PTPRD: variants seen among roughly 807,000 people sequenced by gnomAD.
The protein encoded by PTPRD is protein tyrosine phosphatase receptor type D.
PTPRD carries 34 observed loss-of-function variants against 214.5 expected under a neutral mutation model. The observed-to-expected ratio is 0.16, with a 90% confidence interval of 0.12 to 0.21. The LOEUF is 0.21. Among genes scored for constraint, PTPRD ranks in the 10% least tolerant of loss-of-function variants. PTPRD has a pLI of 1.00. For synonymous variants in PTPRD, 1,128 were observed against 845.7 expected, an observed-to-expected ratio of 1.33 and a Z score of -5.79; for missense variants, 2,545 against 2,398.7, an observed-to-expected ratio of 1.06 and a Z score of -1.27.
At chr9:10,566,313 A>T (rs1000189847) in intron 2 of PTPRD, among the ~76,000 whole-genome samples, 1 of 151,948 alleles carries the variant, frequency 6.6e-6, no homozygotes, top group Non-Finnish European at 1.5e-5. Context: ...TAGGGTGTGT[A>T]TATTGTCAGC....
At chr9:8,338,892 G>A (rs1191465335) in intron 43 of PTPRD, 30 bp downstream of exon 43, 10 of 1,535,690 alleles carry the variant, frequency 6.5e-6, no homozygotes, top group Non-Finnish European at 8.9e-6. Flanking sequence ...TTCAGCTAAT[G>A]GTTAAGAGTT....
At chr9:10,393,603 C>T (rs964127968) in intron 2 of PTPRD, among the ~76,000 whole-genome samples, 5 of 148,274 alleles carry the variant, frequency 3.4e-5, no homozygotes, top group African/African-American at 1.2e-4. Context: ...CTAGTCTGGG[C>T]AATATAGCAA....
intron 14 of PTPRD, among the ~76,000 whole-genome samples, chr9:8,631,894 G>C (rs915082462): frequency 2.0e-5 from 3 of 151,734 alleles, no homozygotes; most frequent in African/African-American, 7.3e-5. Flanking sequence ...GTGTTGGTCA[G>C]GGAATGGGGA....
intron 2 of PTPRD, among the ~76,000 whole-genome samples, chr9:10,594,407 A>G (rs1299973271): frequency 6.6e-6 from 1 of 152,010 alleles, no homozygotes; most frequent in Non-Finnish European, 1.5e-5. Flanking sequence ...ATTATGATCA[A>G]TGATTAATAC....
Position 8,331,694 on chromosome 9 carries a change from A to C in PTPRD, c.5422T>G (p.Trp1808Gly). 1 of 1,613,340 alleles carries C rather than the reference A, an allele frequency of 6.2e-7. No homozygotes were observed. Among genetic ancestry groups the C allele is most frequent in the Non-Finnish European group, 8.5e-7 (1 of 1,179,738 alleles). Residue 1808 changes from tryptophan to glycine, a missense_variant, in exon 44 of 46, where the codon TGG becomes GGG. Physicochemically the swap from Trp to Gly is radical, Grantham distance 184. Transcript: ENST00000381196. ...GACTTTGGCACTCCTTGCTCTGGCC[A>C]GTCAGTGAACTGGAACTGCCTTACT... ...RTVRQFQFTD[W>G]PEQGVPKSGE... is the part of the protein sequence containing the mutation.
intron 5 of PTPRD, among the ~76,000 whole-genome samples, chr9:9,841,895 A>G (rs1248211766): frequency 6.6e-6 from 1 of 152,102 alleles, no homozygotes; most frequent in African/African-American, 2.4e-5. Flanking sequence ...TTTTCTTCTT[A>G]GAATTGTTAG....
intron 7 of PTPRD, among the ~76,000 whole-genome samples, chr9:9,604,538 CTT>C (rs911099489): frequency 1.1e-4 from 17 of 152,046 alleles, no homozygotes; most frequent in African/African-American, 3.9e-4. Flanking sequence ...CATATAAACT[CTT>C]TTTGGAAAAC....
In PTPRD at chr9:9,530,603, G is replaced by C. The variant is rs146496887; in HGVS notation, c.-237+44129C>G. Among the ~76,000 whole-genome samples the C allele has an allele frequency of 1.4e-3, 219 of 152,254 alleles. 1 individual carries two copies. The highest frequency in any genetic ancestry group is 5.1e-3 in the African/African-American group (210 of 41,560). On this transcript the variant is annotated intron_variant, in intron 8 of 45. Coordinates refer to ENST00000381196, the MANE Select transcript of PTPRD (RefSeq NM_002839.4). ...GTTTATTGCAGCACTATTCACAATA[G>C]CAAAGATACAGAATTGACTAAATGT... is the stretch of plus-strand genomic sequence containing the variant.
At chr9:10,113,618 C>T (rs534615397) in intron 3 of PTPRD, among the ~76,000 whole-genome samples, 4 of 152,230 alleles carry the variant, frequency 2.6e-5, no homozygotes, top group South Asian at 4.1e-4. Context: ...CAATCTCCAG[C>T]GAGAGATGAA....
At chr9:10,040,557 A>G (rs78196818) in intron 3 of PTPRD, among the ~76,000 whole-genome samples, 4,310 of 152,120 alleles carry the variant, frequency 0.028, 120 homozygotes, top group Admixed American at 0.088. Context: ...CCAGCTATGT[A>G]GGGAGAATCA....
At chr9:10,044,313 A>G (rs1464914699) in intron 3 of PTPRD, among the ~76,000 whole-genome samples, 1 of 151,874 alleles carries the variant, frequency 6.6e-6, no homozygotes, top group African/African-American at 2.4e-5. Context: ...GAGGATATAA[A>G]TTATGCTACT....
chr9:9,891,191 G>A (rs1408452735), intron 5 of PTPRD, among the ~76,000 whole-genome samples: 1 of 152,086 alleles, frequency 6.6e-6, no homozygotes, highest in East Asian at 1.9e-4. Context: ...TACATCTCCT[G>A]TTCTCTTCTC....
chr9:8,735,148 T>G lies in PTPRD; in HGVS notation c.-103-1202A>C, dbSNP rs546227440. Reference sequence around the variant, plus strand: ...ATTTGGTTTTTTTTTGTTTTTTTTTTTCTGTTTTTTTTTTTGAGACAGTCT... The same window carrying G: ...ATTTGGTTTTTTTTTGTTTTTTTTTGTCTGTTTTTTTTTTTGAGACAGTCT... On this transcript the variant is annotated intron_variant, in intron 11 of 45. Coordinates refer to ENST00000381196, the MANE Select transcript of PTPRD (RefSeq NM_002839.4). 1.1e-4 allele frequency among the ~76,000 whole-genome samples: 15 copies of G among 138,974 alleles called. 1 individual carries two copies. Among genetic ancestry groups the G allele is most frequent in the South Asian group, 9.1e-4 (4 of 4,396 alleles). 91.2% of individuals were successfully genotyped at this position (138,974 alleles called of 152,430 possible).
intron 3 of PTPRD, among the ~76,000 whole-genome samples, chr9:10,174,691 AT>A (rs2099235791): frequency 6.6e-6 from 1 of 152,088 alleles, no homozygotes; most frequent in African/African-American, 2.4e-5. Context: ...TCAACTAATC[AT>A]AAGTGCATAT....
chr9:10,562,157 C>G (rs997130783), intron 2 of PTPRD, among the ~76,000 whole-genome samples: 2 of 152,066 alleles, frequency 1.3e-5, no homozygotes, highest in South Asian at 4.1e-4. Context: ...CATCCATATC[C>G]AAGAACCTGA....
At chr9:9,943,683 A>G (rs375452010) in intron 4 of PTPRD, among the ~76,000 whole-genome samples, 4 of 152,174 alleles carry the variant, frequency 2.6e-5, no homozygotes, top group South Asian at 2.1e-4. Flanking sequence ...CAACATCTGA[A>G]TAAGAATTTG....
chr9:10,564,171 CTTTTTTTTTTTTT>C (rs71332760), intron 2 of PTPRD, among the ~76,000 whole-genome samples: 1 of 29,408 alleles, frequency 3.4e-5, no homozygotes, highest in African/African-American at 1.6e-4. Flanking sequence ...CTAGGCTATT[CTTTTTTTTTTTTT>C]TTTTTTTTTT....
chr9:9,362,548 T>C (rs2056558762), intron 9 of PTPRD, among the ~76,000 whole-genome samples: 1 of 151,104 alleles, frequency 6.6e-6, no homozygotes, highest in South Asian at 2.1e-4. Flanking sequence ...AACTAATGTG[T>C]CTTGTATAAC....
At chr9:9,415,882 A>G (rs2076851826) in intron 8 of PTPRD, among the ~76,000 whole-genome samples, 1 of 152,170 alleles carries the variant, frequency 6.6e-6, no homozygotes, top group African/African-American at 2.4e-5. Flanking sequence ...CGGGGTAGCA[A>G]GCACTTCTTT....
Sources: allele counts gnomAD v4.1 joint callset (sites outside exome capture counted in the v4.1 genomes callset), GRCh38; gene constraint gnomAD v4.1.1; transcripts MANE v1.5; gene names NCBI Gene and HGNC (gene_info 2026-07-23, HGNC 2026-07-21).